Variants in TBC1D5 observed in about 807,000 individuals in gnomAD.
TBC1D5 encodes the protein TBC1 domain family member 5, also known as TBC1 domain family, member 5.
A neutral mutation model predicts 100.3 loss-of-function variants in TBC1D5; 75 were observed. The observed-to-expected ratio is 0.75, with a 90% CI of 0.62 to 0.91. The LOEUF is 0.91. Among genes scored for constraint, TBC1D5 ranks in the 40% least tolerant of loss-of-function variants. The pLI is 0.00. For missense variants in TBC1D5, 910 were observed against 942.4 expected, an observed-to-expected ratio of 0.97 and a Z score of 0.45; for synonymous variants, 323 against 325.6, an observed-to-expected ratio of 0.99 and a Z score of 0.09.
chr3:17,236,213 C>A (rs188164493), intron 17 of TBC1D5, among the ~76,000 whole-genome samples: 23 of 152,238 alleles, frequency 1.5e-4, no homozygotes, highest in African/African-American at 5.3e-4. Flanking sequence ...ATTTAAGCTA[C>A]AACATTAAGA....
At chr3:17,438,419 C>T (rs1430395093) in intron 3 of TBC1D5, among the ~76,000 whole-genome samples, 1 of 152,110 alleles carries the variant, frequency 6.6e-6, no homozygotes, top group Non-Finnish European at 1.5e-5. Context: ...GTGGAGATTA[C>T]TGAATCATGG....
intron 13 of TBC1D5, among the ~76,000 whole-genome samples, chr3:17,362,887 C>G (rs1202173642): frequency 6.6e-6 from 1 of 152,144 alleles, no homozygotes; most frequent in Non-Finnish European, 1.5e-5. Flanking sequence ...ATGGTAACAT[C>G]CTGCAAAACT....
At chr3:17,736,103 G>A (rs2076945615) in intron 1 of TBC1D5, among the ~76,000 whole-genome samples, 1 of 152,084 alleles carries the variant, frequency 6.6e-6, no homozygotes, top group African/African-American at 2.4e-5. Flanking sequence ...GGTTGGGTAT[G>A]AGCTGAGTTA....
chr3:17,305,022 A>G (rs561247353), intron 14 of TBC1D5, among the ~76,000 whole-genome samples: 3 of 152,244 alleles, frequency 2.0e-5, no homozygotes, highest in Non-Finnish European at 4.4e-5. Flanking sequence ...GCTGAAGAAA[A>G]GACTACTGTA....
intron 2 of TBC1D5, among the ~76,000 whole-genome samples, chr3:17,593,981 C>G (rs1321955062): frequency 6.6e-6 from 1 of 152,198 alleles, no homozygotes; most frequent in Non-Finnish European, 1.5e-5. Flanking sequence ...ACTCACCAAT[C>G]ACCCCTAGTG....
At chr3:17,335,538 T>C (rs2087590521) in intron 13 of TBC1D5, among the ~76,000 whole-genome samples, 1 of 152,154 alleles carries the variant, frequency 6.6e-6, no homozygotes, top group Admixed American at 6.6e-5. Flanking sequence ...AAAATTTCCT[T>C]GGTGATAATT....
intron 1 of TBC1D5, among the ~76,000 whole-genome samples, chr3:17,716,662 G>A (rs529987206): frequency 6.6e-6 from 1 of 152,008 alleles, no homozygotes; most frequent in East Asian, 1.9e-4. Context: ...AACTAGCTCA[G>A]TGTTAACAAC....
intron 2 of TBC1D5, among the ~76,000 whole-genome samples, chr3:17,574,000 G>A (rs1344721930): frequency 6.6e-6 from 1 of 151,904 alleles, no homozygotes; most frequent in South Asian, 2.1e-4. Context: ...TAAAAAGGAA[G>A]GGGAAAAGAG....
At chr3:17,178,414 T>C (rs1203202742) in intron 19 of TBC1D5, among the ~76,000 whole-genome samples, 1 of 152,156 alleles carries the variant, frequency 6.6e-6, no homozygotes, top group Non-Finnish European at 1.5e-5. Flanking sequence ...CATTCATCTG[T>C]TGATGGACAC....
intron 21 of TBC1D5, 71 bp downstream of exon 22, chr3:17,166,696 T>C (rs2066635616): frequency 1.3e-6 from 2 of 1,545,734 alleles, no homozygotes; most frequent in East Asian, 2.3e-5. Flanking sequence ...GGGTGTATTC[T>C]TAACTTTGAG....
intron 16 of TBC1D5, among the ~76,000 whole-genome samples, chr3:17,250,192 T>A (rs2077066251): frequency 6.6e-6 from 1 of 152,208 alleles, no homozygotes; most frequent in Non-Finnish European, 1.5e-5. Flanking sequence ...ATTGAGTCCA[T>A]CAGCAAATGC....
chr3:17,301,070 G>GAAA (rs1404389583), intron 14 of TBC1D5, among the ~76,000 whole-genome samples: 2 of 82,614 alleles, frequency 2.4e-5, no homozygotes, highest in African/African-American at 9.2e-5. Context: ...CTCCGTCTCA[G>GAAA]AAAAAAAAAA....
intron 1 of TBC1D5, among the ~76,000 whole-genome samples, chr3:17,717,545 A>C (rs1277049962): frequency 6.6e-6 from 1 of 152,166 alleles, no homozygotes; most frequent in Non-Finnish European, 1.5e-5. Context: ...GTACTCCTCT[A>C]ACTTTGTACA....
At chr3:17,402,105 T>C (rs1465959156) in intron 8 of TBC1D5, among the ~76,000 whole-genome samples, 1 of 152,160 alleles carries the variant, frequency 6.6e-6, no homozygotes, top group Non-Finnish European at 1.5e-5. Flanking sequence ...TTACCTGTGG[T>C]TTCATTTACT....
intron 1 of TBC1D5, among the ~76,000 whole-genome samples, chr3:17,679,641 G>C (rs2069173228): frequency 1.3e-5 from 2 of 151,404 alleles, no homozygotes; most frequent in Non-Finnish European, 2.9e-5. Flanking sequence ...TATAAATTAG[G>C]AAGTGGAAAG....
At chr3:17,656,085 A>G (rs1372531348) in intron 1 of TBC1D5, among the ~76,000 whole-genome samples, 1 of 152,188 alleles carries the variant, frequency 6.6e-6, no homozygotes, top group Non-Finnish European at 1.5e-5. Context: ...AACATCTTTC[A>G]GATTAAAGGA....
At chr3:17,538,849 G>A (rs1479474513) in intron 2 of TBC1D5, among the ~76,000 whole-genome samples, 1 of 152,116 alleles carries the variant, frequency 6.6e-6, no homozygotes, top group Non-Finnish European at 1.5e-5. Flanking sequence ...GATCAGCCTG[G>A]CCAACAATGC....
chr3:17,649,638 AAAC>A (rs2065344948), intron 1 of TBC1D5, among the ~76,000 whole-genome samples: 1 of 152,146 alleles, frequency 6.6e-6, no homozygotes, highest in Admixed American at 6.5e-5. Flanking sequence ...AAAAGTCAGG[AAAC>A]AACAGATGCT....
intron 15 of TBC1D5, among the ~76,000 whole-genome samples, chr3:17,269,115 A>G (rs1262701497): frequency 2.0e-5 from 3 of 152,154 alleles, no homozygotes; most frequent in South Asian, 2.1e-4. Flanking sequence ...AGTAACTGTT[A>G]TAAGCTGCAA....
Sources: allele counts gnomAD v4.1 joint callset (sites outside exome capture counted in the v4.1 genomes callset), GRCh38; gene constraint gnomAD v4.1.1; transcripts MANE v1.5; gene names NCBI Gene and HGNC (gene_info 2026-07-23, HGNC 2026-07-21).